PRTG: variants seen among roughly 807,000 people sequenced by gnomAD.
PRTG encodes the protein protogenin.
A neutral mutation model predicts 122.5 loss-of-function variants in PRTG; 67 were observed. The observed-to-expected ratio is 0.55, with a 90% confidence interval of 0.45 to 0.67. PRTG has a LOEUF of 0.67. Ranked by LOEUF, PRTG falls within the 30% of genes least tolerant of loss-of-function variation. The pLI is 0.00. For synonymous variants in PRTG, 554 were observed against 501.1 expected, an observed-to-expected ratio of 1.11 and a Z score of -1.41; for missense variants, 1,435 against 1,415.4, an observed-to-expected ratio of 1.01 and a Z score of -0.22.
chr15:55,703,984 A>AAAAAC (rs984935405), intron 2 of PRTG, among the ~76,000 whole-genome samples: 4 of 151,176 alleles, frequency 2.6e-5, no homozygotes, highest in African/African-American at 9.8e-5. Flanking sequence ...CTCTGCTGGC[A>AAAAAC]AAAACAAGCA....
chr15:55,689,557 G>C (rs950497081), intron 2 of PRTG, among the ~76,000 whole-genome samples: 24 of 150,800 alleles, frequency 1.6e-4, no homozygotes, highest in Non-Finnish European at 3.4e-4. Context: ...GATGGGTGCA[G>C]CAAAACCAAC....
chr15:55,612,703 T>TATATATATAG lies in PRTG; in HGVS notation c.*7308_*7309insCTATATATAT. 1 of 5,430 alleles carries TATATATATAG rather than the reference T, an allele frequency of 1.8e-4. No individual in the cohort carries two copies. The highest frequency in any genetic ancestry group is 2.3e-4 in the African/African-American group (1 of 4,264). The allele number at this position is 5,430 out of a possible 1,614,324, so 0.3% of individuals were successfully genotyped here. A position where few individuals can be genotyped will look rare whatever the true frequency, so the allele number is the denominator to read the frequency against. ...CTTTAACTCTTTAAAAGCCAATATA[T>TATATATATAG]ATATATATATATATATATATATATA... On this transcript the variant is annotated 3_prime_UTR_variant, in exon 20 of 20. Transcript: ENST00000389286.
chr15:55,682,114 T>C (rs2059541821), intron 4 of PRTG, among the ~76,000 whole-genome samples: 1 of 152,178 alleles, frequency 6.6e-6, no homozygotes, highest in South Asian at 2.1e-4. Context: ...TGGCATTGAA[T>C]AGAATACCAA....
intron 8 of PRTG, among the ~76,000 whole-genome samples, chr15:55,676,770 C>A (rs967665243): frequency 2.7e-4 from 41 of 152,140 alleles, no homozygotes; most frequent in African/African-American, 9.9e-4. Context: ...TGGTCCCCAC[C>A]AAAACCAGCA....
intron 2 of PRTG, among the ~76,000 whole-genome samples, chr15:55,694,650 A>AT (rs1567103362): frequency 6.6e-6 from 1 of 152,172 alleles, no homozygotes. Context: ...TTCAATTTCG[A>AT]TTCTTTTAAG....
intron 17 of PRTG, 72 bp from the exon 18 acceptor site, chr15:55,624,579 T>C: frequency 7.7e-7 from 1 of 1,292,672 alleles, no homozygotes; most frequent in South Asian, 1.6e-5. Context: ...ACCTGGCCTA[T>C]CAACAAAACT....
intron 2 of PRTG, among the ~76,000 whole-genome samples, chr15:55,733,352 A>T (rs1286273373): frequency 6.6e-6 from 1 of 151,364 alleles, no homozygotes; most frequent in Non-Finnish European, 1.5e-5. Flanking sequence ...CTCTACTAAA[A>T]ATACAAAATT....
Position 55,620,644 on chromosome 15 carries a change from T to G in PRTG, c.3198+19A>C. 1 of 1,565,586 alleles carries G rather than the reference T, an allele frequency of 6.4e-7. No homozygotes were observed. The highest frequency in any genetic ancestry group is 1.2e-5 in the South Asian group (1 of 83,632). On this transcript the variant is annotated intron_variant, in intron 19 of 19. Coordinates refer to ENST00000389286, the MANE Select transcript of PRTG (RefSeq NM_173814.6). ...TATATCACGCATTGCCAAAAATTTT[T>G]CTCATTTAGATAGGTTACCTGCTCA...
At chr15:55,725,463 G>T (rs1488918702) in intron 2 of PRTG, among the ~76,000 whole-genome samples, 2 of 152,050 alleles carry the variant, frequency 1.3e-5, no homozygotes, top group East Asian at 1.9e-4. Flanking sequence ...GGGCATGGTA[G>T]CATGTGCCTG....
At chr15:55,668,363 T>C (rs554622322) in intron 11 of PRTG, among the ~76,000 whole-genome samples, 1 of 152,192 alleles carries the variant, frequency 6.6e-6, no homozygotes, top group South Asian at 2.1e-4. Context: ...ACAGTTCCTT[T>C]GTAATTATAA....
intron 18 of PRTG, among the ~76,000 whole-genome samples, chr15:55,621,185 C>A (rs2059164062): frequency 6.6e-6 from 1 of 152,102 alleles, no homozygotes; most frequent in Non-Finnish European, 1.5e-5. Flanking sequence ...AACCCCGTCT[C>A]TACTAAAAAT....
chr15:55,661,672 T>G (rs766297616), intron 11 of PRTG, among the ~76,000 whole-genome samples: 8 of 152,172 alleles, frequency 5.3e-5, no homozygotes, highest in Non-Finnish European at 1.2e-4. Context: ...CTTCTCCACA[T>G]GAACTGCTTT....
At chr15:55,684,080 T>A (rs1282308131) in intron 2 of PRTG, 149 bp from the exon 3 acceptor site, 1 of 582,714 alleles carries the variant, frequency 1.7e-6, no homozygotes, top group Admixed American at 3.8e-5. Flanking sequence ...ATTTAGTGAA[T>A]AATTTTGGAG....
At chr15:55,626,367 C>T (rs1424299169) in intron 17 of PRTG, among the ~76,000 whole-genome samples, 1 of 151,162 alleles carries the variant, frequency 6.6e-6, no homozygotes, top group South Asian at 2.1e-4. Context: ...TGAGACTGTG[C>T]TACTGCACTC....
chr15:55,694,606 T>C (rs1156358979), intron 2 of PRTG, among the ~76,000 whole-genome samples: 1 of 152,174 alleles, frequency 6.6e-6, no homozygotes, highest in African/African-American at 2.4e-5. Context: ...ATCATGATAG[T>C]TTTAAATGTT....
At chr15:55,658,316 A>AT (rs869204396) in intron 11 of PRTG, among the ~76,000 whole-genome samples, 9 of 147,402 alleles carry the variant, frequency 6.1e-5, no homozygotes, top group African/African-American at 2.0e-4. Flanking sequence ...TATTGTTTTT[A>AT]TTTTTTTTTT....
chr15:55,738,814 AG>A (rs1343709232), intron 2 of PRTG, among the ~76,000 whole-genome samples: 1 of 145,718 alleles, frequency 6.9e-6, no homozygotes, highest in African/African-American at 2.5e-5. Flanking sequence ...GAAGGAAGGA[AG>A]GAAGGGAGAG....
intron 2 of PRTG, among the ~76,000 whole-genome samples, chr15:55,694,967 C>T (rs747853293): frequency 2.0e-5 from 3 of 152,086 alleles, no homozygotes; most frequent in Admixed American, 6.5e-5. Context: ...TGTTAAGAGG[C>T]CAGAGCTCTA....
At chr15:55,672,099 T>G (rs2059475145) in intron 11 of PRTG, among the ~76,000 whole-genome samples, 1 of 152,216 alleles carries the variant, frequency 6.6e-6, no homozygotes, top group Non-Finnish European at 1.5e-5. Flanking sequence ...GAGTATGATT[T>G]GGTGATATCC....
Sources: allele counts gnomAD v4.1 joint callset (sites outside exome capture counted in the v4.1 genomes callset), GRCh38; gene constraint gnomAD v4.1.1; transcripts MANE v1.5; gene names NCBI Gene and HGNC (gene_info 2026-07-23, HGNC 2026-07-21).